CSMD1: variants seen among roughly 807,000 people sequenced by gnomAD.
CSMD1 encodes the protein CUB and Sushi multiple domains 1.
Under a neutral mutation model 417.5 loss-of-function variants are expected in CSMD1, and 213 were observed. The observed-to-expected ratio is 0.51, with a 90% CI of 0.46 to 0.57. The LOEUF is 0.57. Ranked by LOEUF, CSMD1 falls within the 20% of genes least tolerant of loss-of-function variation. The probability of loss-of-function intolerance (pLI) is 0.00; values close to 1 mark genes in which losing one functional copy is unlikely to be tolerated. For missense variants in CSMD1, 6,923 were observed against 4,529.7 expected, an observed-to-expected ratio of 1.53 and a Z score of -15.17; for synonymous variants, 2,862 against 1,736.8, an observed-to-expected ratio of 1.65 and a Z score of -16.11.
intron 23 of CSMD1, among the ~76,000 whole-genome samples, chr8:3,323,389 C>G (rs1806280786): frequency 6.6e-6 from 1 of 152,084 alleles, no homozygotes; most frequent in East Asian, 1.9e-4. Context: ...ATCTACCCTT[C>G]CCCATTTTCC....
intron 25 of CSMD1, among the ~76,000 whole-genome samples, chr8:3,306,713 C>G (rs1584967602): frequency 6.6e-6 from 1 of 152,148 alleles, no homozygotes; most frequent in African/African-American, 2.4e-5. Flanking sequence ...TTGGTTAGGA[C>G]TGTGTGTCCA....
intron 2 of CSMD1, among the ~76,000 whole-genome samples, chr8:4,618,548 C>T (rs889934554): frequency 3.3e-5 from 5 of 151,688 alleles, no homozygotes; most frequent in African/African-American, 1.2e-4. Context: ...TTTCTTGATT[C>T]TTCTTATCGC....
intron 31 of CSMD1, among the ~76,000 whole-genome samples, chr8:3,204,362 T>A (rs548184495): frequency 6.6e-6 from 1 of 152,142 alleles, no homozygotes; most frequent in African/African-American, 2.4e-5. Flanking sequence ...GAAGACTTTT[T>A]TGTGATAATC....
At chr8:4,268,706 TG>T (rs1413340714) in intron 3 of CSMD1, among the ~76,000 whole-genome samples, 1 of 152,062 alleles carries the variant, frequency 6.6e-6, no homozygotes, top group Non-Finnish European at 1.5e-5. Flanking sequence ...CAATTTTTTT[TG>T]AAGTAACATA....
intron 3 of CSMD1, among the ~76,000 whole-genome samples, chr8:4,060,142 T>C (rs189283260): frequency 1.3e-5 from 2 of 152,224 alleles, no homozygotes; most frequent in East Asian, 1.9e-4. Context: ...GTTCAACATA[T>C]ACAAATCAAT....
intron 1 of CSMD1, among the ~76,000 whole-genome samples, chr8:4,750,285 G>GT (rs1400150566): frequency 6.6e-6 from 1 of 152,098 alleles, no homozygotes; most frequent in Non-Finnish European, 1.5e-5. Context: ...GGGATTACAG[G>GT]GTGAACCACC....
At chr8:4,475,862 C>T (rs1269892900) in intron 2 of CSMD1, among the ~76,000 whole-genome samples, 1 of 152,118 alleles carries the variant, frequency 6.6e-6, no homozygotes, top group African/African-American at 2.4e-5. Context: ...ATCCACCTGC[C>T]TTACGCTCCG....
chr8:4,976,984 C>A lies in CSMD1; in HGVS notation c.85+17348G>T, dbSNP rs137934036. 2.6e-5 allele frequency among the ~76,000 whole-genome samples: 4 copies of A among 152,288 alleles called. No homozygotes were observed. The East Asian group carries it at 7.8e-4, about 30-fold the overall frequency. ...CTGTTGTCTTTCTCTCCTAATAGAG[C>A]AATTTGTCAGATGTCTCCCATGTGT... On this transcript the variant is annotated intron_variant, in intron 1 of 69. Coordinates refer to ENST00000635120, the MANE Select transcript of CSMD1 (RefSeq NM_033225.6).
intron 3 of CSMD1, among the ~76,000 whole-genome samples, chr8:4,365,797 T>G (rs1237874055): frequency 6.6e-6 from 1 of 152,232 alleles, no homozygotes; most frequent in East Asian, 1.9e-4. Flanking sequence ...CTCTTGGCAT[T>G]ACCCTCCAGA....
chr8:4,303,748 T>C lies in CSMD1; in HGVS notation c.415+116205A>G, dbSNP rs1301393980. Among the ~76,000 whole-genome samples the C allele has an allele frequency of 4.6e-5, 7 of 151,984 alleles. No homozygotes were observed. In the East Asian group the frequency reaches 5.8e-4, roughly 13 times the overall value. On this transcript the variant is annotated intron_variant, in intron 3 of 69. Transcript: ENST00000635120. ...TTGGCTCACCCCAACCTCAGCCTCC[T>C]GGTTTCAAGCGATTCTCCTGCCTCA...
chr8:4,871,577 A>G (rs374679449), intron 1 of CSMD1, among the ~76,000 whole-genome samples: 38 of 152,112 alleles, frequency 2.5e-4, no homozygotes, highest in African/African-American at 8.5e-4. Context: ...ATTATTTTTG[A>G]TAAGGCAAAG....
intron 3 of CSMD1, among the ~76,000 whole-genome samples, chr8:4,400,649 T>A (rs1305339047): frequency 6.6e-6 from 1 of 152,214 alleles, no homozygotes; most frequent in South Asian, 2.1e-4. Context: ...AGTCTTTAAA[T>A]TTAATACAAC....
At chr8:3,646,236 GA>G (rs1797564727) in intron 7 of CSMD1, among the ~76,000 whole-genome samples, 1 of 152,012 alleles carries the variant, frequency 6.6e-6, no homozygotes, top group Non-Finnish European at 1.5e-5. Flanking sequence ...CATGTACATA[GA>G]AAAAGAAACG....
chr8:3,967,335 C>A (rs888007653), intron 5 of CSMD1, among the ~76,000 whole-genome samples: 6 of 152,062 alleles, frequency 3.9e-5, no homozygotes, highest in African/African-American at 9.7e-5. Context: ...GGTACGGCTT[C>A]TCCATTCCGA....
chr8:4,576,078 A>G (rs890673462), intron 2 of CSMD1, among the ~76,000 whole-genome samples: 1 of 152,224 alleles, frequency 6.6e-6, no homozygotes, highest in African/African-American at 2.4e-5. Context: ...AGTGCTCCAC[A>G]TGCCAGCATA....
intron 5 of CSMD1, among the ~76,000 whole-genome samples, chr8:3,838,243 G>C (rs6987809): frequency 0.071 from 10,755 of 152,054 alleles, 1,151 homozygotes; most frequent in African/African-American, 0.23. Flanking sequence ...CCTGCAGTCA[G>C]AAATTCACAA....
chr8:3,165,691 C>T (rs1055678451), intron 37 of CSMD1, among the ~76,000 whole-genome samples: 4 of 152,070 alleles, frequency 2.6e-5, no homozygotes, highest in African/African-American at 9.7e-5. Context: ...CTCAGCCTCC[C>T]CAAAGTGCTG....
chr8:4,054,610 T>G (rs1015786798), intron 3 of CSMD1, among the ~76,000 whole-genome samples: 2 of 152,098 alleles, frequency 1.3e-5, no homozygotes, highest in African/African-American at 4.8e-5. Flanking sequence ...GTATTTAGCT[T>G]ATTTCCCCAT....
intron 3 of CSMD1, among the ~76,000 whole-genome samples, chr8:4,349,067 A>C (rs371953269): frequency 1.3e-5 from 2 of 152,250 alleles, no homozygotes; most frequent in Non-Finnish European, 2.9e-5. Context: ...AATTATTAAC[A>C]TGACTCATGA....
Sources: gnomAD v4.1 joint callset for allele counts (sites outside exome capture counted in the v4.1 genomes callset) on GRCh38, gnomAD v4.1.1 for gene constraint, MANE v1.5 for transcripts, NCBI Gene and HGNC (gene_info 2026-07-23, HGNC 2026-07-21) for gene names.